The following TXN variants were observed in gnomAD, a reference collection of about 807,000 sequenced individuals.
TXN encodes thioredoxin, also known as ADF.
In TXN, 10 loss-of-function variants were observed where a neutral mutation model predicts 16.5. The observed-to-expected ratio is 0.61, with a 90% CI of 0.37 to 1.03. The LOEUF is 1.03. Ranked by LOEUF, TXN falls within the 50% of genes least tolerant of loss-of-function variation. The probability of loss-of-function intolerance (pLI) is 0.01; values close to 1 mark genes in which losing one functional copy is unlikely to be tolerated. For synonymous variants in TXN, 35 were observed against 39.4 expected, an observed-to-expected ratio of 0.89 and a Z score of 0.42; for missense variants, 71 against 122.5, an observed-to-expected ratio of 0.58 and a Z score of 1.98.
At chr9:110,249,319 A>AAC (rs1344677534) in intron 3 of TXN, among the ~76,000 whole-genome samples, 2 of 148,692 alleles carry the variant, frequency 1.3e-5, no homozygotes, top group Non-Finnish European at 3.0e-5. Context: ...AAAAAAAAAA[A>AAC]ACAACTCTGG....
In TXN at chr9:110,256,486, C is replaced by A; in HGVS notation, c.-51G>T. 1 of 1,576,728 alleles carries A rather than the reference C, an allele frequency of 6.3e-7. No individual in the cohort carries two copies. On this transcript the variant is annotated 5_prime_UTR_variant, in exon 1 of 5. Coordinates refer to ENST00000374517, the MANE Select transcript of TXN (RefSeq NM_003329.4). The surrounding 1 kb of genome is among the most constrained non-coding windows in gnomAD (Gnocchi z 4.2). ...GCTGTAAGGACCGATGGAAATGGAT[C>A]CAAAGCACCAAACAGAGCTTCAAGA...
chr9:110,250,798 T>A lies in TXN; in HGVS notation c.189+22A>T, dbSNP rs765639143. 25 of 1,578,992 alleles carry A rather than the reference T, an allele frequency of 1.6e-5. No homozygotes were observed. In the South Asian group the frequency reaches 2.3e-4, roughly 14 times the overall value. The stretch of plus-strand genomic sequence containing the variant: ...GGCCAATGTGAAAAGCTCAGCAGTA[T>A]CTCATATTTCCAGCTACATACCTGA... On this transcript the variant is annotated intron_variant, in intron 3 of 4. Coordinates refer to ENST00000374517, the MANE Select transcript of TXN (RefSeq NM_003329.4).
chr9:110,248,008 T>C (rs1170235853), intron 3 of TXN, among the ~76,000 whole-genome samples: 1 of 152,178 alleles, frequency 6.6e-6, no homozygotes, highest in Non-Finnish European at 1.5e-5. Context: ...AATCTTAGTT[T>C]GTAACAAAAA....
At chr9:110,245,638 ATATATATATATATATATT>A (rs1254323836) in intron 3 of TXN, among the ~76,000 whole-genome samples, 6 of 28,766 alleles carry the variant, frequency 2.1e-4, no homozygotes, top group East Asian at 1.2e-3. Flanking sequence ...ATATATATAT[ATATATATATATATATATT>A]TTTTTTTTTT....
intron 3 of TXN, among the ~76,000 whole-genome samples, chr9:110,248,098 G>A (rs1336261803): frequency 2.0e-5 from 3 of 152,042 alleles, no homozygotes; most frequent in African/African-American, 4.8e-5. Flanking sequence ...CAATGCATTC[G>A]TGTTTTAAGC....
Position 110,244,835 on chromosome 9 carries a change from A to G in TXN, c.198T>C (p.Ala66=). Residue 66 remains alanine, a synonymous_variant, in exon 4 of 5, where the codon GCT becomes GCC. Transcript: ENST00000374517. ...GCATGCATTTGACTTCACACTCTGA[A>G]GCAACATCCTGGTAGGGAAAGTAGC... The part of the protein sequence containing the change: ...EVDVDDCQDV[A]SECEVKCMPT... 1.9e-6 allele frequency: 3 copies of G among 1,612,964 alleles called. No homozygotes were observed. Among genetic ancestry groups the G allele is most frequent in the African/African-American group, 1.3e-5 (1 of 75,010 alleles).
Position 110,244,842 on chromosome 9 carries a change from T to G in TXN, c.191A>C (p.Asp64Ala), listed in dbSNP as rs1190180164. The part of the protein sequence containing the change: ...FLEVDVDDCQ[D>A]VASECEVKCM... ...TTTGACTTCACACTCTGAAGCAACATCCTGGTAGGGAAAGTAGCAAAGGGA... is the reference window on the plus strand; with the variant it reads ...TTTGACTTCACACTCTGAAGCAACAGCCTGGTAGGGAAAGTAGCAAAGGGA... The change falls in exon 4 of 5, where the codon GAT becomes GCT. Residue 64 changes from aspartate to alanine, a missense_variant and splice_region_variant. Physicochemically the swap from Asp to Ala is moderately radical, Grantham distance 126. Coordinates refer to ENST00000374517, the MANE Select transcript of TXN (RefSeq NM_003329.4). 1 of 1,612,696 alleles carries G rather than the reference T, an allele frequency of 6.2e-7. No individual in the cohort carries two copies. Among genetic ancestry groups the G allele is most frequent in the South Asian group, 1.1e-5 (1 of 91,060 alleles).
At position 110,244,075 on chromosome 9, in the gene TXN, C is replaced by G. The variant is rs1055786611; in HGVS notation, c.*82G>C. 2.5e-6 allele frequency: 2 copies of G among 786,606 alleles called. No individual in the cohort carries two copies. Among genetic ancestry groups the G allele is most frequent in the African/African-American group, 1.8e-5 (1 of 54,206 alleles). The allele number at this position is 786,606 out of a possible 1,614,324, so 48.7% of individuals were successfully genotyped here. ...ACGCAGATGGCAACTGGGTTTATGT[C>G]TTCATATTTTATATTTTTGTAAATT... is the stretch of plus-strand genomic sequence containing the variant. On this transcript the variant is annotated 3_prime_UTR_variant, in exon 5 of 5. Coordinates refer to ENST00000374517, the MANE Select transcript of TXN (RefSeq NM_003329.4).
At chr9:110,248,152 C>T (rs1367120836) in intron 3 of TXN, among the ~76,000 whole-genome samples, 1 of 151,872 alleles carries the variant, frequency 6.6e-6, no homozygotes, top group Non-Finnish European at 1.5e-5. Flanking sequence ...AATAAAAAAA[C>T]TATAAAGTAA....
At chr9:110,251,901 A>AT (rs1469457955) in intron 1 of TXN, among the ~76,000 whole-genome samples, 2 of 152,176 alleles carry the variant, frequency 1.3e-5, no homozygotes. Context: ...AAGGCATAGG[A>AT]TTTTGCAATT....
intron 1 of TXN, among the ~76,000 whole-genome samples, chr9:110,253,310 A>G (rs976836113): frequency 2.6e-5 from 4 of 152,156 alleles, no homozygotes; most frequent in African/African-American, 9.6e-5. Context: ...TTAGTTATGC[A>G]AATCCCTGAA....
At chr9:110,250,152 G>C (rs1425250620) in intron 3 of TXN, among the ~76,000 whole-genome samples, 1 of 152,214 alleles carries the variant, frequency 6.6e-6, no homozygotes, top group Non-Finnish European at 1.5e-5. Flanking sequence ...CATACTCACT[G>C]AAACTTCATG....
intron 3 of TXN, among the ~76,000 whole-genome samples, chr9:110,245,650 A>ATTT (rs1230575444): frequency 9.3e-4 from 23 of 24,644 alleles, no homozygotes; most frequent in African/African-American, 2.8e-3. Context: ...ATATATATAT[A>ATTT]TATATTTTTT....
At position 110,256,374 on chromosome 9, in the gene TXN, G is replaced by A; in HGVS notation, c.24+38C>T. The A allele has an allele frequency of 6.3e-7, 1 of 1,595,224 alleles. No individual in the cohort carries two copies. The highest frequency in any genetic ancestry group is 2.3e-5 in the East Asian group (1 of 43,752). On this transcript the variant is annotated intron_variant, in intron 1 of 4. Coordinates refer to ENST00000374517, the MANE Select transcript of TXN (RefSeq NM_003329.4). This position sits in a 1 kb window ranked among gnomAD's most constrained non-coding sequence, Gnocchi z 4.2. ...CCTTCCCCAGTTACAGAGGCCGCGC[G>A]CGGCGCCGGCACCCTGGCCTTCCCC...
chr9:110,245,471 A>T (rs62580761), intron 3 of TXN, among the ~76,000 whole-genome samples: 24,655 of 148,518 alleles, frequency 0.17, 2,773 homozygotes, highest in African/African-American at 0.32. Context: ...ATGCAGGGGC[A>T]TAGTCTCAGC....
At chr9:110,248,260 A>T (rs1372855700) in intron 3 of TXN, among the ~76,000 whole-genome samples, 1 of 152,226 alleles carries the variant, frequency 6.6e-6, no homozygotes, top group Non-Finnish European at 1.5e-5. Flanking sequence ...AGGCCTTCAC[A>T]TTCACTCACC....
rs751047318 is a variant in TXN at position 110,250,819 on chromosome 9, C to T, written c.189+1G>A. On this transcript the variant is annotated splice_donor_variant, in intron 3 of 4. Coordinates refer to ENST00000374517, the MANE Select transcript of TXN (RefSeq NM_003329.4). LOFTEE classifies it high-confidence loss of function. ...AGTATCTCATATTTCCAGCTACATA[C>T]CTGACAGTCATCCACATCTACTTCA... 1.2e-6 allele frequency: 2 copies of T among 1,608,908 alleles called. No individual in the cohort carries two copies. Among genetic ancestry groups the T allele is most frequent in the Non-Finnish European group, 1.7e-6 (2 of 1,177,254 alleles).
intron 3 of TXN, 47 bp downstream of exon 3, chr9:110,250,773 G>A: frequency 7.2e-7 from 1 of 1,391,048 alleles, no homozygotes; most frequent in Middle Eastern, 1.8e-4. Flanking sequence ...CAGAGAAAAA[G>A]GCCAATGTGA....
chr9:110,244,751 A>T, intron 4 of TXN, 27 bp downstream of exon 4: 1 of 1,592,722 alleles, frequency 6.3e-7, no homozygotes, highest in Non-Finnish European at 8.6e-7. Flanking sequence ...TTGCCCAGTT[A>T]GAGTTTTAAA....
Sources: gnomAD v4.1 joint callset for allele counts (sites outside exome capture counted in the v4.1 genomes callset) on GRCh38, gnomAD v4.1.1 for gene constraint, Gnocchi (gnomAD v3.1) non-coding constraint, MANE v1.5 for transcripts, NCBI Gene and HGNC (gene_info 2026-07-23, HGNC 2026-07-21) for gene names.